Variants in FAM50B observed in about 807,000 individuals in gnomAD.
FAM50B encodes the protein family with sequence similarity 50 member B.
In FAM50B, 9 loss-of-function variants were observed where a neutral mutation model predicts 25.4. That is an observed-to-expected ratio of 0.35 (90% confidence interval 0.21 to 0.62). The LOEUF (loss-of-function observed/expected upper bound fraction) is 0.62, where lower values mean the gene tolerates loss of function less well. FAM50B is among the 20% of genes least tolerant of loss of function. The pLI is 0.73. For missense variants in FAM50B, 372 were observed against 477.9 expected (o/e 0.78, Z 2.07); for synonymous variants, 212 against 204.3 (o/e 1.04, Z -0.32).
the FAM50B span, among the ~76,000 whole-genome samples, chr6:3,842,706 C>T: frequency 5.3e-5 from 8 of 152,344 alleles, no homozygotes; most frequent in East Asian, 1.3e-3. Flanking sequence ...GGGACACTCG[C>T]TACCTTCACC....
chr6:3,847,291 T>C (rs767180511), upstream of FAM50B, among the ~76,000 whole-genome samples: 7 of 152,244 alleles, frequency 4.6e-5, no homozygotes, highest in African/African-American at 1.4e-4. Flanking sequence ...TTTGTCTACA[T>C]TGAAAATGTA....
In FAM50B at chr6:3,850,308, G is replaced by A. The variant is rs548182725; in HGVS notation, c.497G>A (p.Arg166Gln). 6.2e-6 allele frequency: 10 copies of A among 1,613,278 alleles called. No individual in the cohort carries two copies. Among genetic ancestry groups the A allele is most frequent in the East Asian group, 2.2e-5 (1 of 44,858 alleles). Residue 166 changes from arginine (R) to glutamine (Q), a missense_variant, in exon 2 of 2, where the codon CGA (arginine) becomes CAA (glutamine). This residue lies in a region of FAM50B where 224 missense variants were observed against 232.2 expected (regional missense o/e 0.96). Transcript: ENST00000648326. Reference sequence around the variant, plus strand: ...CGCGAGGAGGAGGAGAACCGGCTCCGAGAGGAGCTGCGCCAAGAGTGGGAG... The same window carrying A: ...CGCGAGGAGGAGGAGAACCGGCTCCAAGAGGAGCTGCGCCAAGAGTGGGAG... Reference protein sequence around the residue: ...RDREEEENRLREELRQEWEAQ... With the variant: ...RDREEEENRLQEELRQEWEAQ...
the FAM50B span, chr6:3,833,487 G>GT: frequency 6.6e-6 from 1 of 152,132 alleles, no homozygotes; most frequent in Non-Finnish European, 1.5e-5. Flanking sequence ...CTTCCTCTTG[G>GT]TTATGTGATC....
chr6:3,838,750 A>G, the FAM50B span, among the ~76,000 whole-genome samples: 1 of 151,102 alleles, frequency 6.6e-6, no homozygotes. Flanking sequence ...TTGAGGCACA[A>G]GAATTGCTTG....
the FAM50B span, among the ~76,000 whole-genome samples, chr6:3,837,390 C>T: frequency 6.6e-6 from 1 of 151,998 alleles, no homozygotes; most frequent in African/African-American, 2.4e-5. Context: ...AAACAAACAA[C>T]CCAATTAAAA....
chr6:3,832,440 T>C, the FAM50B span, among the ~76,000 whole-genome samples: 2 of 152,230 alleles, frequency 1.3e-5, no homozygotes, highest in Non-Finnish European at 2.9e-5. Flanking sequence ...ACTGCTACAG[T>C]GAACAGTTCC....
chr6:3,834,359 C>CAAAAAAAAAAAAAAAAAAGGA, the FAM50B span, among the ~76,000 whole-genome samples: 10 of 75,016 alleles, frequency 1.3e-4, no homozygotes, highest in East Asian at 3.6e-4. Flanking sequence ...TGATATATGG[C>CAAAAAAAAAAAAAAAAAAGGA]AAAAAAAAAA....
chr6:3,849,672 C>G, intron 1 of FAM50B, 117 bp from the exon 2 acceptor site: 1 of 1,409,418 alleles, frequency 7.1e-7, no homozygotes, highest in Non-Finnish European at 9.3e-7. Flanking sequence ...GCAGGTCGGC[C>G]CAGCCCCTGA....
chr6:3,846,765 A>G (rs149407587), upstream of FAM50B, among the ~76,000 whole-genome samples: 1,183 of 152,348 alleles, frequency 7.8e-3, 13 homozygotes, highest in African/African-American at 0.027. Flanking sequence ...TCCATCAGAG[A>G]AATCATTACA....
upstream of FAM50B, among the ~76,000 whole-genome samples, chr6:3,847,192 C>A (rs530452582): frequency 6.6e-6 from 1 of 152,350 alleles, no homozygotes; most frequent in East Asian, 1.9e-4. Context: ...GAGAGTCAAC[C>A]TGTCCTTTGA....
At chr6:3,842,358 A>G in the FAM50B span, among the ~76,000 whole-genome samples, 1 of 152,230 alleles carries the variant, frequency 6.6e-6, no homozygotes, top group Non-Finnish European at 1.5e-5. Flanking sequence ...CCAGTGTCAT[A>G]CTGTAATGCT....
chr6:3,848,987 T>A (rs935813108), upstream of FAM50B, among the ~76,000 whole-genome samples: 1 of 151,620 alleles, frequency 6.6e-6, no homozygotes, highest in Non-Finnish European at 1.5e-5. Context: ...AGGAGGAGGG[T>A]TGGAGAGCAG....
upstream of FAM50B, among the ~76,000 whole-genome samples, chr6:3,849,002 G>C (rs992523242): frequency 6.6e-6 from 1 of 152,224 alleles, no homozygotes; most frequent in Admixed American, 6.5e-5. Flanking sequence ...GAGCAGGGCC[G>C]TGTTGCAAGG....
the FAM50B span, among the ~76,000 whole-genome samples, chr6:3,839,867 C>G: frequency 6.6e-6 from 1 of 152,112 alleles, no homozygotes; most frequent in Non-Finnish European, 1.5e-5. Context: ...AACATAGGGC[C>G]GGGAGCGGTG....
In FAM50B at chr6:3,850,823, G is replaced by A. The variant is rs540546419; in HGVS notation, c.*34G>A. The stretch of plus-strand genomic sequence containing the variant: ...TGCCAGAGCGGAAACCGGGGGTGGG[G>A]GGAGACACTCATTTCTAGGCCCCAT... On this transcript the variant is annotated 3_prime_UTR_variant, in exon 2 of 2. Coordinates refer to ENST00000648326, the MANE Select transcript of FAM50B (RefSeq NM_012135.3). 1.9e-6 allele frequency: 3 copies of A among 1,603,172 alleles called. No individual in the cohort carries two copies. In the Admixed American group the frequency reaches 5.1e-5, roughly 27 times the overall value.
In FAM50B at chr6:3,850,475, A is replaced by C. The variant is rs1762200785; in HGVS notation, c.664A>C (p.Lys222Gln). The C allele has an allele frequency of 6.2e-7, 1 of 1,613,568 alleles. No homozygotes were observed. Among genetic ancestry groups the C allele is most frequent in the South Asian group, 1.1e-5 (1 of 91,088 alleles). The change falls in exon 2 of 2, where the codon AAG becomes CAG. Residue 222 changes from lysine (K) to glutamine (Q), a missense_variant. Around this residue, in one of 4 missense-constraint regions of FAM50B, gnomAD observed 224 missense variants for 232.2 expected, o/e 0.96. Transcript: ENST00000648326. ...GAAGAAGGCGCTGCAGGGGCTGCGC[A>C]AGGACTTCCTGGAGCTGCGCTCCGC... The part of the protein sequence containing the change: ...FLKKALQGLR[K>Q]DFLELRSAGV...
At chr6:3,847,969 A>C (rs1762141642), upstream of FAM50B, among the ~76,000 whole-genome samples, 1 of 152,256 alleles carries the variant, frequency 6.6e-6, no homozygotes. Context: ...AACATTTATC[A>C]GTTAAATCAA....
chr6:3,849,054 C>T (rs1370374272), upstream of FAM50B, among the ~76,000 whole-genome samples: 2 of 152,218 alleles, frequency 1.3e-5, no homozygotes, highest in African/African-American at 4.8e-5. Context: ...GCCCACATTG[C>T]TTCTGCGTGT....
chr6:3,845,620 C>T (rs1762111347), upstream of FAM50B, among the ~76,000 whole-genome samples: 1 of 152,124 alleles, frequency 6.6e-6, no homozygotes, highest in South Asian at 2.1e-4. Flanking sequence ...GTGCTCCAGG[C>T]TTCCTCTTGG....
Sources: allele counts gnomAD v4.1 joint callset (sites outside exome capture counted in the v4.1 genomes callset), GRCh38; gene constraint gnomAD v4.1.1; regional missense constraint gnomAD v4.1.1; transcripts MANE v1.5; gene names NCBI Gene and HGNC (gene_info 2026-07-23, HGNC 2026-07-21).